VTI1A: variants seen among roughly 807,000 people sequenced by gnomAD.
The protein encoded by VTI1A is vesicle transport through interaction with t-SNAREs 1A.
Under a neutral mutation model 34.9 loss-of-function variants are expected in VTI1A, and 22 were observed. The ratio of observed to expected loss-of-function variants is 0.63; its 90% CI spans 0.45 to 0.90. The LOEUF (loss-of-function observed/expected upper bound fraction) is 0.90, where lower values mean the gene tolerates loss of function less well. Ranked by LOEUF, VTI1A falls within the 40% of genes least tolerant of loss-of-function variation. VTI1A has a pLI of 0.00. For synonymous variants in VTI1A, 87 were observed against 97.3 expected, an observed-to-expected ratio of 0.89 and a Z score of 0.62; for missense variants, 268 against 275.6, an observed-to-expected ratio of 0.97 and a Z score of 0.20.
intron 7 of VTI1A, chr10:112,737,407 A>G: frequency 2.9e-6 from 3 of 1,033,756 alleles, no homozygotes; most frequent in Non-Finnish European, 3.5e-6. Context: ...ATAAGAAGAT[A>G]ATTAAAAAAT....
intron 3 of VTI1A, chr10:112,464,883 C>T (rs868380986): frequency 2.0e-5 from 11 of 552,070 alleles, no homozygotes; most frequent in South Asian, 1.4e-4. Flanking sequence ...AATCATGCGG[C>T]CCTTTGAGTC....
chr10:112,774,144 G>A (rs574636848), intron 7 of VTI1A, among the ~76,000 whole-genome samples: 1 of 152,216 alleles, frequency 6.6e-6, no homozygotes, highest in Non-Finnish European at 1.5e-5. Flanking sequence ...GATGTGGAGG[G>A]TGTTGGAGAA....
rs145928511 is a variant in VTI1A, at chr10:112,489,928, C to G, written c.264+25271C>G. Among the ~76,000 whole-genome samples, 1,032 of 152,306 alleles carry G rather than the reference C, an allele frequency of 6.8e-3. 10 individuals are homozygous for G. The highest frequency in any genetic ancestry group is 0.024 in the African/African-American group (978 of 41,574). ...ATAAAAAATATTGGAAGAGTTCCCACTACCTGAAATCTGGATTAGAAAATT... is the reference window on the plus strand; with the variant it reads ...ATAAAAAATATTGGAAGAGTTCCCAGTACCTGAAATCTGGATTAGAAAATT... On this transcript the variant is annotated intron_variant, in intron 3 of 7. Transcript: ENST00000393077.
At position 112,737,944 on chromosome 10, in the gene VTI1A, T is replaced by G. The variant is rs79827433; in HGVS notation, c.560+68946T>G. 7.9e-5 allele frequency: 77 copies of G among 976,988 alleles called. 1 individual carries two copies. In the East Asian group the frequency reaches 8.1e-3, roughly 103 times the overall value. The allele number at this position is 976,988 out of a possible 1,614,324, so 60.5% of individuals were successfully genotyped here. A position where few individuals can be genotyped will look rare whatever the true frequency, so the allele number is the denominator to read the frequency against. ...GGAGGTATGTCCCCTCTAGGCACAT[T>G]TAGGCGGGGATGCTTAGGGCCTCCT... is the stretch of plus-strand genomic sequence containing the variant. On this transcript the variant is annotated intron_variant, in intron 7 of 7. Transcript: ENST00000393077.
intron 7 of VTI1A, among the ~76,000 whole-genome samples, chr10:112,813,784 T>C (rs919628986): frequency 6.6e-6 from 1 of 152,070 alleles, no homozygotes; most frequent in Non-Finnish European, 1.5e-5. Flanking sequence ...GACTTTCTAG[T>C]GGGGAAGGGA....
At chr10:112,577,426 A>G (rs2134386756) in intron 5 of VTI1A, among the ~76,000 whole-genome samples, 1 of 152,348 alleles carries the variant, frequency 6.6e-6, no homozygotes, top group East Asian at 1.9e-4. Flanking sequence ...TGATTGAAGT[A>G]TATACCACCA....
chr10:112,694,794 C>T (rs1398648382), intron 7 of VTI1A, among the ~76,000 whole-genome samples: 1 of 152,044 alleles, frequency 6.6e-6, no homozygotes, highest in Non-Finnish European at 1.5e-5. Flanking sequence ...CATAGTGAAA[C>T]CCCGTCTCTA....
intron 7 of VTI1A, among the ~76,000 whole-genome samples, chr10:112,697,146 G>A (rs1848817139): frequency 1.3e-5 from 2 of 151,602 alleles, no homozygotes; most frequent in South Asian, 4.2e-4. Flanking sequence ...TACTGTGTGA[G>A]AAGTGGAATT....
chr10:112,796,146 C>G lies in VTI1A; in HGVS notation c.561-19144C>G, dbSNP rs562689805. 7.2e-5 allele frequency among the ~76,000 whole-genome samples: 11 copies of G among 152,220 alleles called. No homozygotes were observed. The South Asian group carries it at 2.3e-3, about 32-fold the overall frequency. ...ACGCGCGGTGGCTGCCCCCTGTAGT[C>G]CCAGCACTTTGAGAGGCCAAGGTGG... On this transcript the variant is annotated intron_variant, in intron 7 of 7. Transcript: ENST00000393077.
chr10:112,622,307 A>G (rs570455528), intron 5 of VTI1A, among the ~76,000 whole-genome samples: 3 of 152,192 alleles, frequency 2.0e-5, no homozygotes, highest in Non-Finnish European at 4.4e-5. Flanking sequence ...AGACACACCC[A>G]GCTGAAGCAA....
intron 7 of VTI1A, among the ~76,000 whole-genome samples, chr10:112,798,158 C>T (rs1281671487): frequency 1.3e-5 from 2 of 152,164 alleles, no homozygotes; most frequent in Non-Finnish European, 1.5e-5. Flanking sequence ...CGGCTGTGAA[C>T]CAAAGCAATG....
At chr10:112,697,786 G>T (rs1219323451) in intron 7 of VTI1A, among the ~76,000 whole-genome samples, 3 of 151,642 alleles carry the variant, frequency 2.0e-5, no homozygotes, top group Non-Finnish European at 2.9e-5. Flanking sequence ...GGTTTATTTT[G>T]TTGATAGCTT....
At chr10:112,844,356 C>A in the VTI1A span, among the ~76,000 whole-genome samples, 5 of 152,184 alleles carry the variant, frequency 3.3e-5, no homozygotes, top group Non-Finnish European at 4.4e-5. Context: ...AAACATGAAG[C>A]CTGGATCTTT....
intron 1 of VTI1A, among the ~76,000 whole-genome samples, chr10:112,455,128 C>T (rs1847389721): frequency 1.4e-5 from 2 of 147,398 alleles, no homozygotes; most frequent in Admixed American, 6.8e-5. Context: ...TAGGTATTTC[C>T]AAGGTCATCT....
chr10:112,474,281 C>A (rs1048474713), intron 3 of VTI1A, among the ~76,000 whole-genome samples: 4 of 151,976 alleles, frequency 2.6e-5, no homozygotes, highest in African/African-American at 9.7e-5. Context: ...TCTCGATCTC[C>A]TGACCTTGTG....
chr10:112,780,323 AAAT>A (rs1303171431), intron 7 of VTI1A, among the ~76,000 whole-genome samples: 1 of 150,536 alleles, frequency 6.6e-6, no homozygotes, highest in African/African-American at 2.4e-5. Context: ...TAAATAAATA[AAAT>A]AATAACCTAC....
intron 5 of VTI1A, among the ~76,000 whole-genome samples, chr10:112,612,786 A>AT (rs1353506026): frequency 2.0e-5 from 3 of 152,182 alleles, no homozygotes; most frequent in East Asian, 1.9e-4. Context: ...ATTTCTTGTG[A>AT]TTTTTTGCAT....
At chr10:112,672,058 A>G (rs1386130486) in intron 7 of VTI1A, 1 of 152,176 alleles carries the variant, frequency 6.6e-6, no homozygotes, top group East Asian at 1.9e-4. Flanking sequence ...CAAAGCAGCT[A>G]TTGAAGATTC....
Position 112,551,060 on chromosome 10 carries a change from T to G in VTI1A, c.427+12730T>G, listed in dbSNP as rs531100369. Among the ~76,000 whole-genome samples, 32 of 151,998 alleles carry G rather than the reference T, an allele frequency of 2.1e-4. No homozygotes were observed. The Middle Eastern group carries it at 0.01, about 48-fold the overall frequency. ...AGATGGAGACCATCCTGGCGAACAC[T>G]GTGAAACCCCGTCTCTACTAAAAAT... On this transcript the variant is annotated intron_variant, in intron 5 of 7. Coordinates refer to ENST00000393077, the MANE Select transcript of VTI1A (RefSeq NM_145206.4).
Sources: gnomAD v4.1 joint callset for allele counts (sites outside exome capture counted in the v4.1 genomes callset) on GRCh38, gnomAD v4.1.1 for gene constraint, MANE v1.5 for transcripts, NCBI Gene and HGNC (gene_info 2026-07-23, HGNC 2026-07-21) for gene names.